BMI1: variants seen among roughly 807,000 people sequenced by gnomAD.
The protein encoded by BMI1 is BMI1 proto-oncogene, polycomb ring finger, also known as polycomb complex protein BMI-1.
Under a neutral mutation model 39.1 loss-of-function variants are expected in BMI1, and 9 were observed. That is an observed-to-expected ratio of 0.23 (90% confidence interval 0.14 to 0.40). The LOEUF (loss-of-function observed/expected upper bound fraction) is 0.40, where lower values mean the gene tolerates loss of function less well. Ranked by LOEUF, BMI1 falls within the 10% of genes least tolerant of loss-of-function variation. The pLI is 1.00. For missense variants in BMI1, 252 were observed against 390.8 expected (o/e 0.64, Z 2.99); for synonymous variants, 131 against 127.9 (o/e 1.02, Z -0.16).
intron 1 of BMI1, among the ~76,000 whole-genome samples, chr10:22,323,650 C>T (rs955334859): frequency 3.3e-5 from 5 of 152,206 alleles, no homozygotes; most frequent in African/African-American, 9.6e-5. Context: ...GAACTTGCTT[C>T]TGTTTTCCTT....
rs145613627 is a variant in BMI1 at position 22,329,418 on chromosome 10, T to C, written c.857T>C (p.Phe286Ser). 26 of 1,614,036 alleles carry C rather than the reference T, an allele frequency of 1.6e-5. No individual in the cohort carries two copies. Among genetic ancestry groups the C allele is most frequent in the Non-Finnish European group, 2.2e-5 (26 of 1,180,026 alleles). Residue 286 changes from phenylalanine to serine, a missense_variant, in exon 10 of 10, where the codon TTT becomes TCT. Coordinates refer to ENST00000376663, the MANE Select transcript of BMI1 (RefSeq NM_005180.9). ...CCAGTGCAGTCTCCTCATCCACAGTTTCCTCACATTTCCAGTACTATGAAT... is the reference window on the plus strand; with the variant it reads ...CCAGTGCAGTCTCCTCATCCACAGTCTCCTCACATTTCCAGTACTATGAAT... The part of the protein sequence containing the change: ...STPVQSPHPQ[F>S]PHISSTMNGT...
chr10:22,328,723 C>G, intron 8 of BMI1, 25 bp downstream of exon 8: 2 of 1,533,408 alleles, frequency 1.3e-6, no homozygotes, highest in Non-Finnish European at 1.7e-6. Context: ...ATTCTTCTTG[C>G]ATTTTACATA....
intron 1 of BMI1, among the ~76,000 whole-genome samples, 168 bp downstream of exon 1, chr10:22,321,864 C>T: frequency 7.0e-6 from 1 of 143,060 alleles, no homozygotes; most frequent in South Asian, 2.1e-4. Flanking sequence ...GCCGCCCGCC[C>T]CGCGCCTGCC....
In BMI1 at chr10:22,326,468, A is replaced by C. The variant is rs2132004808; in HGVS notation, c.19A>C (p.Ile7Leu). ...AGCAGAAATGCATCGAACAACGAGA[A>C]TCAAGATCACTGAGCTAAATCCCCA... MHRTTRIKITELNPHLM... is the reference protein window; with the variant it reads MHRTTRLKITELNPHLM... The change falls in exon 2 of 10, where the codon ATC becomes CTC. Residue 7 changes from isoleucine (I) to leucine (L), a missense_variant. This residue lies in a region of BMI1 where 62 missense variants were observed against 123.3 expected (regional missense o/e 0.50). Coordinates refer to ENST00000376663, the MANE Select transcript of BMI1 (RefSeq NM_005180.9). 1 of 1,613,950 alleles carries C rather than the reference A, an allele frequency of 6.2e-7. No individual in the cohort carries two copies.
At chr10:22,328,987 T>G (rs548273898) in intron 8 of BMI1, 61 bp from the exon 9 acceptor site, 2 of 1,485,502 alleles carry the variant, frequency 1.3e-6, no homozygotes, top group Admixed American at 4.2e-5. Context: ...TATATTTAAA[T>G]GACAAAAAAT....
intron 2 of BMI1, 58 bp from the exon 3 acceptor site, chr10:22,326,832 C>G: frequency 6.3e-7 from 1 of 1,582,634 alleles, no homozygotes; most frequent in Non-Finnish European, 8.6e-7. Flanking sequence ...GTTTCTAACA[C>G]CAATGATTTA....
intron 3 of BMI1, 81 bp from the exon 4 acceptor site, chr10:22,327,514 A>G (rs1836186652): frequency 1.5e-6 from 2 of 1,365,262 alleles, no homozygotes; most frequent in Non-Finnish European, 2.0e-6. Context: ...ATTATAGCAC[A>G]AAAGAAGACT....
chr10:22,323,610 T>C (rs957527382), intron 1 of BMI1, among the ~76,000 whole-genome samples: 10 of 152,234 alleles, frequency 6.6e-5, no homozygotes, highest in African/African-American at 2.4e-4. Flanking sequence ...ATTTCTTAGA[T>C]TGCAGTAGGC....
Position 22,321,358 on chromosome 10 carries a change from C to A in BMI1, c.-358C>A. The A allele has an allele frequency of 6.4e-6, 1 of 157,114 alleles. No homozygotes were observed. The highest frequency in any genetic ancestry group is 1.7e-4 in the South Asian group (1 of 6,008). 9.7% of individuals were successfully genotyped at this position (157,114 alleles called of 1,614,324 possible). ...GCGCCCCCTCCGCGCGCGCCCTCCC[C>A]CGAGTGCGGAGCGGGAGGAGGCGGC... On this transcript the variant is annotated 5_prime_UTR_variant, in exon 1 of 10. Coordinates refer to ENST00000376663, the MANE Select transcript of BMI1 (RefSeq NM_005180.9).
intron 1 of BMI1, chr10:22,322,105 C>G (rs1836020594): frequency 6.6e-6 from 1 of 152,016 alleles, no homozygotes; most frequent in South Asian, 2.1e-4. Context: ...GCACATGGCC[C>G]CCGAGAGGAG....
At chr10:22,325,728 T>C (rs1239562448) in intron 1 of BMI1, 1 of 150,804 alleles carries the variant, frequency 6.6e-6, no homozygotes, top group African/African-American at 2.4e-5. Context: ...CAAGTGTAAG[T>C]GTAAGTTGCT....
chr10:22,328,300 T>C, intron 7 of BMI1, 121 bp downstream of exon 7: 1 of 1,176,380 alleles, frequency 8.5e-7, no homozygotes, highest in South Asian at 1.8e-5. Context: ...TCATGTTTAA[T>C]GTTTAAGAAA....
rs1228851718 is a variant in BMI1, at chr10:22,330,250, A to G, written c.*708A>G. On this transcript the variant is annotated 3_prime_UTR_variant, in exon 10 of 10. Coordinates refer to ENST00000376663, the MANE Select transcript of BMI1 (RefSeq NM_005180.9). ...GTACAATGCCATATTGGTATATGAC[A>G]TAACAGGAAACAGTATTGTATGATA... The G allele has an allele frequency of 6.6e-6, 1 of 152,546 alleles. No individual in the cohort carries two copies. Among genetic ancestry groups the G allele is most frequent in the East Asian group, 1.9e-4 (1 of 5,152 alleles). The allele number at this position is 152,546 out of a possible 1,614,324, so 9.4% of individuals were successfully genotyped here.
intron 1 of BMI1, among the ~76,000 whole-genome samples, chr10:22,323,200 A>G (rs934265712): frequency 6.6e-6 from 1 of 152,364 alleles, no homozygotes. Context: ...ATGAGACTCT[A>G]TATGTTAACA....
In BMI1 at chr10:22,326,872, C is replaced by A. The variant is rs141460173; in HGVS notation, c.113-18C>A. ...CTCATTTCTAAACATAAAAAAACTTCACATGTTCTACTTCTAGTCTGTAAA... is the reference window on the plus strand; with the variant it reads ...CTCATTTCTAAACATAAAAAAACTTAACATGTTCTACTTCTAGTCTGTAAA... On this transcript the variant is annotated intron_variant, in intron 2 of 9. Coordinates refer to ENST00000376663, the MANE Select transcript of BMI1 (RefSeq NM_005180.9). The A allele has an allele frequency of 7.4e-6, 12 of 1,611,304 alleles. No individual in the cohort carries two copies. Among genetic ancestry groups the A allele is most frequent in the African/African-American group, 1.3e-5 (1 of 74,776 alleles).
downstream of BMI1, among the ~76,000 whole-genome samples, chr10:22,331,651 CA>C (rs200951360): frequency 6.6e-3 from 1,011 of 152,248 alleles, 7 homozygotes; most frequent in African/African-American, 0.023. Flanking sequence ...AGTGGACTGT[CA>C]TTTGACTTAC....
At chr10:22,328,094 T>C in intron 6 of BMI1, 36 bp downstream of exon 6, 1 of 1,594,056 alleles carries the variant, frequency 6.3e-7, no homozygotes, top group Non-Finnish European at 8.5e-7. Flanking sequence ...ATGCTAATGT[T>C]TTATTAGATT....
chr10:22,329,190 T>A, intron 9 of BMI1, 23 bp from the exon 10 acceptor site: 1 of 1,610,724 alleles, frequency 6.2e-7, no homozygotes, highest in Non-Finnish European at 8.5e-7. Context: ...TTAAGAGTAA[T>A]TTTTTTCCTT....
rs976654811 is a variant in BMI1, at chr10:22,331,441, GTTTA to G, written c.*1904_*1907del. ...TGAAAGCCCATTGAAAGATGTATCT[GTTTA>G]TTTACAGTCTTTGAAGTAAAAGTTA... On this transcript the variant is annotated 3_prime_UTR_variant, in exon 10 of 10. Transcript: ENST00000376663. 1 of 152,070 alleles carries G rather than the reference GTTTA, an allele frequency of 6.6e-6. No individual in the cohort carries two copies. Among genetic ancestry groups the G allele is most frequent in the Non-Finnish European group, 1.5e-5 (1 of 67,960 alleles). The allele number at this position is 152,070 out of a possible 1,614,324, so 9.4% of individuals were successfully genotyped here.
Sources: allele counts gnomAD v4.1 joint callset (sites outside exome capture counted in the v4.1 genomes callset), GRCh38; gene constraint gnomAD v4.1.1; regional missense constraint gnomAD v4.1.1; transcripts MANE v1.5; gene names NCBI Gene and HGNC (gene_info 2026-07-23, HGNC 2026-07-21).